Variants in CCDC141 observed in about 807,000 individuals in gnomAD.
CCDC141 encodes coiled-coil domain containing 141.
In CCDC141, 168 loss-of-function variants were observed where a neutral mutation model predicts 181.0. The ratio of observed to expected loss-of-function variants is 0.93; its 90% CI spans 0.82 to 1.05. CCDC141 has a LOEUF of 1.05. CCDC141 is among the 50% of genes least tolerant of loss of function. CCDC141 has a pLI of 0.00. For missense variants in CCDC141, 1,902 were observed against 1,788.5 expected, an observed-to-expected ratio of 1.06 and a Z score of -1.14; for synonymous variants, 666 against 642.3, an observed-to-expected ratio of 1.04 and a Z score of -0.56.
chr2:179,005,652 T>C (rs141191193), intron 2 of CCDC141, among the ~76,000 whole-genome samples: 1,665 of 152,264 alleles, frequency 0.011, 40 homozygotes, highest in Admixed American at 0.012. Flanking sequence ...CTTTTCTTTT[T>C]GAGACAGAGT....
intron 2 of CCDC141, among the ~76,000 whole-genome samples, chr2:178,997,480 C>T (rs1692340958): frequency 6.6e-6 from 1 of 152,136 alleles, no homozygotes; most frequent in Non-Finnish European, 1.5e-5. Context: ...GATACCCCAG[C>T]ATGCCAATGA....
At chr2:178,903,141 AC>A (rs1687787640) in intron 8 of CCDC141, among the ~76,000 whole-genome samples, 1 of 149,098 alleles carries the variant, frequency 6.7e-6, no homozygotes, top group Admixed American at 6.8e-5. Flanking sequence ...AAATAGGAAC[AC>A]TTTTACACTG....
the CCDC141 span, among the ~76,000 whole-genome samples, chr2:178,817,881 C>A: frequency 6.3e-5 from 9 of 142,636 alleles, no homozygotes; most frequent in African/African-American, 2.3e-4. Context: ...CCACTCACTG[C>A]AACCTGTTCC....
chr2:178,987,711 T>C (rs1464964563), intron 2 of CCDC141, among the ~76,000 whole-genome samples: 2 of 149,828 alleles, frequency 1.3e-5, no homozygotes, highest in Non-Finnish European at 3.0e-5. Flanking sequence ...AAAAAACACA[T>C]GAAAAAATGC....
intron 6 of CCDC141, among the ~76,000 whole-genome samples, chr2:178,933,324 A>G (rs1689167891): frequency 6.6e-6 from 1 of 152,238 alleles, no homozygotes; most frequent in Admixed American, 6.5e-5. Flanking sequence ...AGGGACATGT[A>G]CATACATGAA....
At chr2:178,961,988 C>CA (rs1371704450) in intron 4 of CCDC141, among the ~76,000 whole-genome samples, 1 of 152,142 alleles carries the variant, frequency 6.6e-6, no homozygotes, top group East Asian at 1.9e-4. Flanking sequence ...GAACAGTTGA[C>CA]ATGAGGAATA....
intron 2 of CCDC141, among the ~76,000 whole-genome samples, chr2:178,988,316 T>C (rs1691854662): frequency 9.3e-6 from 1 of 108,108 alleles, no homozygotes; most frequent in African/African-American, 3.6e-5. Flanking sequence ...CTGGGGACTG[T>C]TGTGGGGTGG....
rs201233545 is a variant in CCDC141, at chr2:178,834,173, T to A, written c.4593A>T (p.Ter1531TyrextTer14). ...ATGTCCATTGGTGCCAACACCACAG[T>A]TATTGTGTGAGGAGCCAGTACATTA... The part of the protein sequence containing the change: ...VSLMYWLLTQ[*>Y] Residue 1531 changes from the stop codon to tyrosine (Y), a stop_lost, in exon 24 of 24, where the codon TAA becomes TAT. Coordinates refer to ENST00000443758, the MANE Select transcript of CCDC141 (RefSeq NM_173648.4). 305 of 1,534,942 alleles carry A rather than the reference T, an allele frequency of 2.0e-4. No individual in the cohort carries two copies. The highest frequency in any genetic ancestry group is 2.6e-4 in the Non-Finnish European group (294 of 1,145,916).
At chr2:179,039,839 G>C (rs1284908178) in intron 2 of CCDC141, among the ~76,000 whole-genome samples, 1 of 152,008 alleles carries the variant, frequency 6.6e-6, no homozygotes, top group Non-Finnish European at 1.5e-5. Flanking sequence ...CTAGTAAATT[G>C]GTTGAATTTA....
intron 2 of CCDC141, among the ~76,000 whole-genome samples, chr2:179,036,462 T>C (rs1413370926): frequency 6.6e-6 from 1 of 152,180 alleles, no homozygotes; most frequent in Non-Finnish European, 1.5e-5. Context: ...ACTTTTCAAA[T>C]GTAAAGAATG....
intron 2 of CCDC141, among the ~76,000 whole-genome samples, chr2:178,995,660 A>G (rs1023236178): frequency 1.3e-5 from 2 of 152,242 alleles, no homozygotes; most frequent in Non-Finnish European, 2.9e-5. Flanking sequence ...AAAAAGTCTC[A>G]GGAAGATTGG....
chr2:179,003,334 T>C (rs1176958297), intron 2 of CCDC141, among the ~76,000 whole-genome samples: 1 of 152,324 alleles, frequency 6.6e-6, no homozygotes, highest in African/African-American at 2.4e-5. Context: ...CAGCGTAACA[T>C]AGTGATTAAG....
intron 12 of CCDC141, chr2:178,877,448 G>A (rs1332271086): frequency 2.0e-5 from 3 of 152,538 alleles, no homozygotes; most frequent in Non-Finnish European, 2.9e-5. Context: ...ATCCTACAGG[G>A]AATTTTATAT....
intron 6 of CCDC141, among the ~76,000 whole-genome samples, chr2:178,919,510 C>G (rs1381144838): frequency 6.6e-6 from 1 of 152,148 alleles, no homozygotes; most frequent in Non-Finnish European, 1.5e-5. Flanking sequence ...ACCAGCTGAC[C>G]TGAATACAGG....
At chr2:178,902,460 C>T (rs1687745871) in intron 8 of CCDC141, among the ~76,000 whole-genome samples, 1 of 152,092 alleles carries the variant, frequency 6.6e-6, no homozygotes, top group South Asian at 2.1e-4. Context: ...CGCATATCTA[C>T]AACTATCTGA....
intron 6 of CCDC141, among the ~76,000 whole-genome samples, chr2:178,929,610 G>A (rs1689025426): frequency 6.6e-6 from 1 of 151,880 alleles, no homozygotes; most frequent in Non-Finnish European, 1.5e-5. Flanking sequence ...ATGTATCTAG[G>A]ACTAAATACA....
chr2:179,042,328 A>C (rs868389900), intron 2 of CCDC141, among the ~76,000 whole-genome samples: 1 of 152,230 alleles, frequency 6.6e-6, no homozygotes, highest in Non-Finnish European at 1.5e-5. Flanking sequence ...GCAAATAATG[A>C]AATTAAGGCA....
rs75674179 is a variant in CCDC141 at position 178,895,226 on chromosome 2, C to T, written c.1266-6558G>A. 5.0e-3 allele frequency among the ~76,000 whole-genome samples: 757 copies of T among 152,244 alleles called. 40 individuals carry two copies. In the East Asian group the frequency reaches 0.12, roughly 24 times the overall value. On this transcript the variant is annotated intron_variant, in intron 8 of 23. Transcript: ENST00000443758. ...TTTCTGGAAATATTTAGCTGGTTTT[C>T]GGGTTTGCACTATTATAAATAGCAC...
chr2:178,900,874 A>G (rs1052675532), intron 8 of CCDC141, among the ~76,000 whole-genome samples: 10 of 152,192 alleles, frequency 6.6e-5, no homozygotes, highest in Admixed American at 6.6e-4. Flanking sequence ...GTTTTCAGAC[A>G]CTGAACAATT....
Sources: allele counts gnomAD v4.1 joint callset (sites outside exome capture counted in the v4.1 genomes callset), GRCh38; gene constraint gnomAD v4.1.1; transcripts MANE v1.5; gene names NCBI Gene and HGNC (gene_info 2026-07-23, HGNC 2026-07-21).